Variants in KHDRBS3 observed in about 807,000 individuals in gnomAD.
KHDRBS3 encodes the protein KH domain-containing, RNA-binding, signal transduction-associated protein 3.
KHDRBS3 carries 23 observed loss-of-function variants against 45.6 expected under a neutral mutation model. The observed-to-expected ratio is 0.50, with a 90% CI of 0.36 to 0.72. KHDRBS3 has a LOEUF of 0.72. KHDRBS3 is among the 30% of genes least tolerant of loss of function. The pLI is 0.00. For missense variants in KHDRBS3, 352 were observed against 424.8 expected (o/e 0.83, Z 1.51); for synonymous variants, 162 against 156.5 (o/e 1.04, Z -0.26).
intron 1 of KHDRBS3, among the ~76,000 whole-genome samples, chr8:135,520,914 G>A (rs1824872535): frequency 1.3e-5 from 2 of 152,072 alleles, no homozygotes; most frequent in Non-Finnish European, 2.9e-5. Flanking sequence ...ATACTTAATG[G>A]CTTTTCTTCT....
chr8:135,463,287 CAG>C (rs1821525036), intron 1 of KHDRBS3, among the ~76,000 whole-genome samples: 1 of 152,124 alleles, frequency 6.6e-6, no homozygotes, highest in African/African-American at 2.4e-5. Flanking sequence ...GTAGCAGAAT[CAG>C]AAAGTATATT....
chr8:135,458,831 C>G, intron 1 of KHDRBS3: 1 of 455,482 alleles, frequency 2.2e-6, no homozygotes, highest in Non-Finnish European at 4.4e-6. Context: ...ACAGAGATTT[C>G]TGGAGGCACG....
At chr8:135,540,159 T>C (rs977628434) in intron 2 of KHDRBS3, 6 of 152,162 alleles carry the variant, frequency 3.9e-5, no homozygotes, top group African/African-American at 1.4e-4. Flanking sequence ...AGGCATAAAT[T>C]TATGAAGATC....
At position 135,588,697 on chromosome 8, in the gene KHDRBS3, T is replaced by C. The variant is rs538256652; in HGVS notation, c.807+6624T>C. 3.9e-5 allele frequency among the ~76,000 whole-genome samples: 6 copies of C among 152,280 alleles called. No individual in the cohort carries two copies. The East Asian group carries it at 1.2e-3, about 29-fold the overall frequency. On this transcript the variant is annotated intron_variant, in intron 6 of 8. Transcript: ENST00000355849. ...GCCCTCCTTTCACTTTTATTGCTCT[T>C]ATCACTTAGAGAATTCCAGGGGTTT...
rs954097676 is a variant in KHDRBS3, at chr8:135,548,681, T to G, written c.325-73T>G. On this transcript the variant is annotated intron_variant, in intron 3 of 8. Coordinates refer to ENST00000355849, the MANE Select transcript of KHDRBS3 (RefSeq NM_006558.3). The stretch of plus-strand genomic sequence containing the variant: ...TTTTATTTTGGGGGTTAGTTTTTAT[T>G]TATTTATTTATTTATCTTTCATTTC... 9 of 1,193,524 alleles carry G rather than the reference T, an allele frequency of 7.5e-6. No individual in the cohort carries two copies. In the African/African-American group the frequency reaches 1.3e-4, roughly 17 times the overall value. The allele number at this position is 1,193,524 out of a possible 1,614,324, so 73.9% of individuals were successfully genotyped here.
At chr8:135,637,939 A>G (rs1449717105) in intron 7 of KHDRBS3, among the ~76,000 whole-genome samples, 1 of 152,216 alleles carries the variant, frequency 6.6e-6, no homozygotes, top group East Asian at 1.9e-4. Flanking sequence ...CTAAGAGCCT[A>G]TATCTGGTCC....
intron 6 of KHDRBS3, among the ~76,000 whole-genome samples, chr8:135,595,169 TGA>T (rs1215448124): frequency 6.6e-6 from 1 of 152,200 alleles, no homozygotes; most frequent in Non-Finnish European, 1.5e-5. Context: ...TTGATGGTGC[TGA>T]GAGTCAGGAT....
chr8:135,616,875 AT>A (rs1016685580), intron 7 of KHDRBS3, among the ~76,000 whole-genome samples: 1 of 152,030 alleles, frequency 6.6e-6, no homozygotes, highest in African/African-American at 2.4e-5. Flanking sequence ...TTTTTAAATA[AT>A]TTTTTCTACA....
chr8:135,629,938 C>T (rs535620875), intron 7 of KHDRBS3, among the ~76,000 whole-genome samples: 42 of 152,286 alleles, frequency 2.8e-4, no homozygotes, highest in Middle Eastern at 6.8e-3. Context: ...TGGAAAAAGC[C>T]GAGACAATGG....
At chr8:135,496,595 G>C (rs1823462303) in intron 1 of KHDRBS3, among the ~76,000 whole-genome samples, 1 of 152,122 alleles carries the variant, frequency 6.6e-6, no homozygotes, top group East Asian at 1.9e-4. Context: ...ATATCCACTA[G>C]GCTGAACATG....
intron 4 of KHDRBS3, among the ~76,000 whole-genome samples, chr8:135,652,703 G>A (rs1831454254): frequency 6.6e-6 from 1 of 152,126 alleles, no homozygotes; most frequent in Non-Finnish European, 1.5e-5. Context: ...CCTCACCCTG[G>A]AGGCCCTCCC....
At chr8:135,521,718 A>T (rs991216602) in intron 2 of KHDRBS3, among the ~76,000 whole-genome samples, 2 of 152,088 alleles carry the variant, frequency 1.3e-5, no homozygotes, top group Non-Finnish European at 2.9e-5. Flanking sequence ...ATCATTGTTT[A>T]TGTTTTATTT....
chr8:135,549,163 G>A (rs1826458525), intron 4 of KHDRBS3: 1 of 271,136 alleles, frequency 3.7e-6, no homozygotes, highest in African/African-American at 2.2e-5. Flanking sequence ...ACAATCACTA[G>A]TTCAGGTTTT....
At chr8:135,596,054 GGAAAAT>G (rs147969575) in intron 6 of KHDRBS3, among the ~76,000 whole-genome samples, 36 of 152,220 alleles carry the variant, frequency 2.4e-4, no homozygotes, top group African/African-American at 8.4e-4. Flanking sequence ...ACAGCTTGGG[GGAAAAT>G]GAAAATGAAA....
intron 1 of KHDRBS3, among the ~76,000 whole-genome samples, chr8:135,498,073 T>C (rs903238930): frequency 6.6e-6 from 1 of 152,026 alleles, no homozygotes; most frequent in Non-Finnish European, 1.5e-5. Flanking sequence ...CATTAAAGGA[T>C]GATGCATGGC....
chr8:135,562,517 G>A (rs145837939), intron 5 of KHDRBS3, among the ~76,000 whole-genome samples: 104 of 150,568 alleles, frequency 6.9e-4, no homozygotes, highest in African/African-American at 2.3e-3. Context: ...ATAGCTAAGC[G>A]ACTGTATTTA....
chr8:135,536,343 G>A (rs1825758524), intron 2 of KHDRBS3, among the ~76,000 whole-genome samples: 1 of 146,670 alleles, frequency 6.8e-6, no homozygotes, highest in Non-Finnish European at 1.5e-5. Flanking sequence ...GAGCACAGCA[G>A]TTTTGAGAAG....
At chr8:135,589,918 A>G (rs934708582) in intron 6 of KHDRBS3, among the ~76,000 whole-genome samples, 3 of 152,248 alleles carry the variant, frequency 2.0e-5, no homozygotes, top group Non-Finnish European at 2.9e-5. Flanking sequence ...AGTTTTAGCA[A>G]ACATAACATG....
At chr8:135,521,094 A>G (rs1824880159) in intron 1 of KHDRBS3, 143 bp from the exon 2 acceptor site, 1 of 628,606 alleles carries the variant, frequency 1.6e-6, no homozygotes, top group African/African-American at 1.9e-5. Flanking sequence ...ATGAAACCGG[A>G]AATGTACTTG....
Sources: gnomAD v4.1 joint callset for allele counts (sites outside exome capture counted in the v4.1 genomes callset) on GRCh38, gnomAD v4.1.1 for gene constraint, MANE v1.5 for transcripts, NCBI Gene and HGNC (gene_info 2026-07-23, HGNC 2026-07-21) for gene names.